MINDY4: variants seen among roughly 807,000 people sequenced by gnomAD.
The protein encoded by MINDY4 is MINDY lysine 48 deubiquitinase 4.
A neutral mutation model predicts 87.0 loss-of-function variants in MINDY4; 68 were observed. That is an observed-to-expected ratio of 0.78 (90% confidence interval 0.64 to 0.96). The LOEUF is 0.96. MINDY4 is among the 40% of genes least tolerant of loss of function. MINDY4 has a pLI of 0.00. For missense variants in MINDY4, 919 were observed against 928.2 expected (o/e 0.99, Z 0.13); for synonymous variants, 379 against 363.2 (o/e 1.04, Z -0.50).
chr7:30,778,198 C>T (rs192961619), intron 1 of MINDY4, among the ~76,000 whole-genome samples: 44 of 152,178 alleles, frequency 2.9e-4, no homozygotes, highest in African/African-American at 1.0e-3. Context: ...CTCCTGTGCG[C>T]GAGTCCTGAA....
intron 9 of MINDY4, among the ~76,000 whole-genome samples, chr7:30,846,821 C>G (rs113176963): frequency 0.12 from 17,782 of 152,146 alleles, 2,445 homozygotes; most frequent in African/African-American, 0.33. Context: ...ATTAGATTCT[C>G]ATAAGGAGCG....
intron 6 of MINDY4, among the ~76,000 whole-genome samples, chr7:30,830,391 A>T (rs983295216): frequency 6.6e-6 from 1 of 152,216 alleles, no homozygotes; most frequent in Non-Finnish European, 1.5e-5. Context: ...GTATTAGTGT[A>T]TTCTCATGCT....
Position 30,782,003 on chromosome 7 carries a change from C to T in MINDY4, c.210C>T (p.Ser70=). ...CAAAGGAAAATCCTCTAAAAACAAG[C>T]CTTGAACTCATCACCAGATACTTTC... ...NKAKENPLKT[S]LELITRYFLD... The change falls in exon 3 of 18, where the codon AGC becomes AGT. Residue 70 remains serine, a synonymous_variant. Transcript: ENST00000265299. The T allele has an allele frequency of 6.2e-7, 1 of 1,613,882 alleles. No individual in the cohort carries two copies. The highest frequency in any genetic ancestry group is 8.5e-7 in the Non-Finnish European group (1 of 1,179,938).
Position 30,791,206 on chromosome 7 carries a change from A to G in MINDY4, c.705A>G (p.Ser235=). 6.2e-7 allele frequency: 1 copy of G among 1,614,058 alleles called. No individual in the cohort carries two copies. The highest frequency in any genetic ancestry group is 8.5e-7 in the Non-Finnish European group (1 of 1,179,960). The change falls in exon 5 of 18, where the codon TCA becomes TCG. Residue 235 remains serine, a synonymous_variant. Coordinates refer to ENST00000265299, the MANE Select transcript of MINDY4 (RefSeq NM_032222.3). ...ACTATCTGAGACGGTCCTCACCGTC[A>G]AGCAGCTCCACCCAACCCCAAGAAG... The part of the protein sequence containing the change: ...HRHYLRRSSP[S]SSSTQPQEES...
intron 12 of MINDY4, among the ~76,000 whole-genome samples, chr7:30,854,185 C>T (rs559237364): frequency 4.1e-4 from 63 of 152,344 alleles, no homozygotes; most frequent in African/African-American, 1.5e-3. Context: ...AATCTAGATT[C>T]ACCCTTCAGT....
chr7:30,839,051 G>A lies in MINDY4; in HGVS notation c.1240-149G>A, dbSNP rs181110058. 662 of 538,224 alleles carry A rather than the reference G, an allele frequency of 1.2e-3. 4 individuals carry two copies. Among genetic ancestry groups the A allele is most frequent in the African/African-American group, 0.011 (584 of 51,920 alleles). 33.3% of individuals were successfully genotyped at this position (538,224 alleles called of 1,614,324 possible). ...CATCAAATATAAGAAGAATGAGCCT[G>A]AAAAATAAAAAGAGAAGAGATGAAC... is the stretch of plus-strand genomic sequence containing the variant. On this transcript the variant is annotated intron_variant, in intron 7 of 17. Coordinates refer to ENST00000265299, the MANE Select transcript of MINDY4 (RefSeq NM_032222.3).
At chr7:30,820,136 C>T (rs901173196) in intron 5 of MINDY4, among the ~76,000 whole-genome samples, 4 of 151,668 alleles carry the variant, frequency 2.6e-5, no homozygotes, top group South Asian at 2.1e-4. Flanking sequence ...CTCCTGACCT[C>T]GTGATCCGCC....
At chr7:30,801,982 A>T (rs1020325261) in intron 5 of MINDY4, among the ~76,000 whole-genome samples, 9 of 152,162 alleles carry the variant, frequency 5.9e-5, no homozygotes, top group African/African-American at 1.9e-4. Flanking sequence ...GAGTCCTGGG[A>T]TACAGGCTGG....
chr7:30,831,902 C>A (rs1261255910), intron 6 of MINDY4, among the ~76,000 whole-genome samples: 1 of 152,254 alleles, frequency 6.6e-6, no homozygotes, highest in East Asian at 1.9e-4. Flanking sequence ...TTCAATTCGA[C>A]ATTTAAACCA....
At chr7:30,833,254 A>G (rs1486414009) in intron 6 of MINDY4, among the ~76,000 whole-genome samples, 1 of 152,252 alleles carries the variant, frequency 6.6e-6, no homozygotes, top group Non-Finnish European at 1.5e-5. Flanking sequence ...AACAAGTTTA[A>G]TAGAGAACTC....
intron 5 of MINDY4, among the ~76,000 whole-genome samples, chr7:30,827,808 T>C (rs1243340166): frequency 1.3e-5 from 2 of 152,112 alleles, no homozygotes; most frequent in Admixed American, 6.6e-5. Flanking sequence ...TTCAATGGAG[T>C]GCACCAGGGC....
At chr7:30,873,735 A>G (rs1251151998) in intron 14 of MINDY4, among the ~76,000 whole-genome samples, 1 of 152,150 alleles carries the variant, frequency 6.6e-6, no homozygotes, top group Admixed American at 6.5e-5. Context: ...TATGAGGAAG[A>G]TTTTAGACAC....
chr7:30,780,532 G>A (rs878887740), intron 2 of MINDY4: 3 of 152,000 alleles, frequency 2.0e-5, no homozygotes, highest in Admixed American at 1.3e-4. Flanking sequence ...ACAATGAATC[G>A]GAGTGTATAT....
intron 5 of MINDY4, among the ~76,000 whole-genome samples, chr7:30,801,997 A>T (rs1459974933): frequency 6.6e-6 from 1 of 151,852 alleles, no homozygotes; most frequent in Non-Finnish European, 1.5e-5. Context: ...GGCTGGGAAG[A>T]TGTTCCATGC....
At chr7:30,848,675 G>C (rs1033177509) in intron 9 of MINDY4, among the ~76,000 whole-genome samples, 5 of 152,228 alleles carry the variant, frequency 3.3e-5, no homozygotes, top group African/African-American at 1.2e-4. Context: ...GGGGCATCCG[G>C]TTCGGTGAAT....
rs1789676480 is a variant in MINDY4 at position 30,859,252 on chromosome 7, C to G, written c.1678-5C>G. The G allele has an allele frequency of 3.1e-6, 5 of 1,613,922 alleles. No homozygotes were observed. The South Asian group carries it at 3.3e-5, about 11-fold the overall frequency. On this transcript the variant is annotated splice_polypyrimidine_tract_variant and splice_region_variant and intron_variant, in intron 12 of 17. Coordinates refer to ENST00000265299, the MANE Select transcript of MINDY4 (RefSeq NM_032222.3). ...ATGGAGCTCATTTTTCTCTCCCCCT[C>G]CCAGTTTGAAGTGGGCCCCTATGGC...
intron 2 of MINDY4, 113 bp from the exon 3 acceptor site, chr7:30,781,864 A>G (rs530918704): frequency 5.7e-6 from 4 of 706,336 alleles, no homozygotes; most frequent in Non-Finnish European, 9.4e-6. Context: ...GAAAGCTTGT[A>G]TGAATGAGTG....
intron 5 of MINDY4, among the ~76,000 whole-genome samples, chr7:30,818,862 G>T (rs1788239461): frequency 6.6e-6 from 1 of 152,066 alleles, no homozygotes; most frequent in East Asian, 1.9e-4. Flanking sequence ...GTATTGGTTT[G>T]AACTTATTCA....
At chr7:30,836,618 G>A (rs1156638708) in intron 6 of MINDY4, 40 bp from the exon 7 acceptor site, 4 of 1,514,634 alleles carry the variant, frequency 2.6e-6, no homozygotes, top group Non-Finnish European at 3.7e-6. Flanking sequence ...TTCTCCGTGA[G>A]TCATAACGAA....
Sources: allele counts gnomAD v4.1 joint callset (sites outside exome capture counted in the v4.1 genomes callset), GRCh38; gene constraint gnomAD v4.1.1; transcripts MANE v1.5; gene names NCBI Gene and HGNC (gene_info 2026-07-23, HGNC 2026-07-21).